Variants in PTPRD observed in about 807,000 individuals in gnomAD.
PTPRD encodes the protein protein tyrosine phosphatase receptor type D.
Under a neutral mutation model 214.5 loss-of-function variants are expected in PTPRD, and 34 were observed. The observed-to-expected ratio is 0.16, with a 90% confidence interval of 0.12 to 0.21. PTPRD has a LOEUF of 0.21. Ranked by LOEUF, PTPRD falls within the 10% of genes least tolerant of loss-of-function variation. PTPRD has a pLI of 1.00. For missense variants in PTPRD, 2,545 were observed against 2,398.7 expected (o/e 1.06, Z -1.27); for synonymous variants, 1,128 against 845.7 (o/e 1.33, Z -5.79).
intron 11 of PTPRD, among the ~76,000 whole-genome samples, chr9:8,909,220 T>G (rs1358718526): frequency 6.6e-6 from 1 of 152,032 alleles, no homozygotes; most frequent in Admixed American, 6.6e-5. Context: ...ATAAACTCCT[T>G]CAGAAAATAG....
chr9:9,571,236 T>G (rs1189273941), intron 8 of PTPRD, among the ~76,000 whole-genome samples: 1 of 151,410 alleles, frequency 6.6e-6, no homozygotes, highest in Non-Finnish European at 1.5e-5. Flanking sequence ...ATACCATCCT[T>G]TCTATCAGAC....
intron 30 of PTPRD, among the ~76,000 whole-genome samples, chr9:8,479,582 T>C (rs552427350): frequency 1.3e-5 from 2 of 152,116 alleles, no homozygotes; most frequent in African/African-American, 2.4e-5. Context: ...GTAGAAAACA[T>C]TCTGCAATAT....
chr9:8,517,898 A>T lies in PTPRD; in HGVS notation c.1493T>A (p.Ile498Asn). 1 of 1,614,142 alleles carries T rather than the reference A, an allele frequency of 6.2e-7. No individual in the cohort carries two copies. Among genetic ancestry groups the T allele is most frequent in the East Asian group, 2.2e-5 (1 of 44,866 alleles). ...GTCACTTGAAAGGGGACCATCTCCA[A>T]TTGAGGTAAAAGCCAGGACTTTGAC... ...YSVKVLAFTS[I>N]GDGPLSSDIQ... The change falls in exon 21 of 46, where the codon ATT becomes AAT. Residue 498 changes from isoleucine (I) to asparagine (N), a missense_variant. By Grantham distance (149) the Ile-to-Asn change is moderately radical. Coordinates refer to ENST00000381196, the MANE Select transcript of PTPRD (RefSeq NM_002839.4).
intron 6 of PTPRD, 87 bp downstream of exon 6, chr9:9,766,723 A>C (rs1444593789): frequency 1.3e-5 from 2 of 152,386 alleles, no homozygotes; most frequent in Non-Finnish European, 1.5e-5. Flanking sequence ...CGTATTTCCA[A>C]GCATGCAACA....
intron 10 of PTPRD, among the ~76,000 whole-genome samples, chr9:9,071,206 G>C (rs139649229): frequency 1.3e-5 from 2 of 152,016 alleles, no homozygotes; most frequent in African/African-American, 4.8e-5. Flanking sequence ...TGACCCTTTC[G>C]CCTCTACCCT....
intron 2 of PTPRD, among the ~76,000 whole-genome samples, chr9:10,462,020 T>C (rs997838201): frequency 2.6e-5 from 4 of 152,116 alleles, no homozygotes; most frequent in African/African-American, 9.7e-5. Flanking sequence ...GCAGAAGCTA[T>C]GAGGAGATGT....
At chr9:9,292,025 G>C (rs568831656) in intron 9 of PTPRD, among the ~76,000 whole-genome samples, 2 of 151,298 alleles carry the variant, frequency 1.3e-5, no homozygotes, top group Admixed American at 6.6e-5. Context: ...GTCAGGTAAT[G>C]TGAATAAGTA....
At chr9:10,489,960 A>T (rs180934305) in intron 2 of PTPRD, among the ~76,000 whole-genome samples, 1 of 152,268 alleles carries the variant, frequency 6.6e-6, no homozygotes, top group East Asian at 1.9e-4. Flanking sequence ...AAAACCACGT[A>T]CTTTGAGTGC....
intron 6 of PTPRD, among the ~76,000 whole-genome samples, chr9:9,743,314 G>A (rs904907581): frequency 1.3e-5 from 2 of 152,136 alleles, no homozygotes; most frequent in Non-Finnish European, 2.9e-5. Flanking sequence ...AAGAGTCTGT[G>A]TTCTGACTTT....
intron 5 of PTPRD, among the ~76,000 whole-genome samples, chr9:9,781,778 A>C (rs1191562332): frequency 6.8e-6 from 1 of 147,184 alleles, no homozygotes; most frequent in Non-Finnish European, 1.5e-5. Context: ...TTTGACTAAC[A>C]TTTTTTGTCT....
At chr9:9,499,120 T>C (rs1379291754) in intron 8 of PTPRD, among the ~76,000 whole-genome samples, 4 of 152,078 alleles carry the variant, frequency 2.6e-5, no homozygotes, top group East Asian at 1.9e-4. Flanking sequence ...ACAATGAGCA[T>C]AGATTGGAAG....
intron 7 of PTPRD, among the ~76,000 whole-genome samples, chr9:9,684,474 T>A (rs1197369769): frequency 2.0e-5 from 3 of 151,680 alleles, no homozygotes; most frequent in Non-Finnish European, 3.0e-5. Flanking sequence ...ATTTAGATGG[T>A]CTTTGTCAAC....
intron 11 of PTPRD, among the ~76,000 whole-genome samples, chr9:8,935,259 C>A (rs991151890): frequency 2.0e-5 from 3 of 152,022 alleles, no homozygotes; most frequent in Admixed American, 1.3e-4. Flanking sequence ...AGTAAAGTTG[C>A]AGAATACAAA....
At chr9:9,460,822 G>A (rs1439187446) in intron 8 of PTPRD, among the ~76,000 whole-genome samples, 3 of 151,946 alleles carry the variant, frequency 2.0e-5, no homozygotes, top group Non-Finnish European at 2.9e-5. Flanking sequence ...TCACTATTGG[G>A]TATCTACCCA....
intron 7 of PTPRD, among the ~76,000 whole-genome samples, chr9:9,729,231 G>A (rs1367553178): frequency 3.3e-5 from 5 of 152,156 alleles, no homozygotes; most frequent in South Asian, 2.1e-4. Context: ...TGTGAAACTG[G>A]GAGTATCTTC....
rs78743992 is a variant in PTPRD at position 9,893,020 on chromosome 9, C to T, written c.-368+45487G>A. 1.6e-3 allele frequency among the ~76,000 whole-genome samples: 243 copies of T among 152,136 alleles called. 1 individual carries two copies. The highest frequency in any genetic ancestry group is 5.7e-3 in the African/African-American group (236 of 41,540). ...TGGTTTTAGACAAGATAAATTTGGA[C>T]ATCAGACACTCACTTAGATATGCTG... On this transcript the variant is annotated intron_variant, in intron 5 of 45. Transcript: ENST00000381196.
intron 3 of PTPRD, among the ~76,000 whole-genome samples, chr9:10,038,967 T>G (rs1309886212): frequency 6.6e-6 from 1 of 152,042 alleles, no homozygotes; most frequent in African/African-American, 2.4e-5. Flanking sequence ...TTCCAAACAC[T>G]TTATTCTTTT....
rs114409805 is a variant in PTPRD, at chr9:8,953,140, T to A, written c.-104+65557A>T. Reference sequence around the variant, plus strand: ...ATGTGCAGGATGCTATGGGAACTCATAACAAGGGTGACTAAGCAGTTTCCT... The same window carrying A: ...ATGTGCAGGATGCTATGGGAACTCAAAACAAGGGTGACTAAGCAGTTTCCT... On this transcript the variant is annotated intron_variant, in intron 11 of 45. Transcript: ENST00000381196. Among the ~76,000 whole-genome samples the A allele has an allele frequency of 5.9e-3, 898 of 152,042 alleles. 12 individuals carry two copies. Among genetic ancestry groups the A allele is most frequent in the African/African-American group, 0.021 (864 of 41,536 alleles).
At chr9:9,958,829 T>C (rs1163554727) in intron 4 of PTPRD, among the ~76,000 whole-genome samples, 4 of 152,142 alleles carry the variant, frequency 2.6e-5, no homozygotes, top group Non-Finnish European at 5.9e-5. Flanking sequence ...TAGACACTAC[T>C]ATACCTATTA....
Sources: allele counts gnomAD v4.1 joint callset (sites outside exome capture counted in the v4.1 genomes callset), GRCh38; gene constraint gnomAD v4.1.1; transcripts MANE v1.5; gene names NCBI Gene and HGNC (gene_info 2026-07-23, HGNC 2026-07-21).